Variants in BAZ2B observed in about 807,000 individuals in gnomAD.
BAZ2B encodes the protein bromodomain adjacent to zinc finger domain 2B.
A neutral mutation model predicts 246.0 loss-of-function variants in BAZ2B; 91 were observed. The ratio of observed to expected loss-of-function variants is 0.37; its 90% CI spans 0.31 to 0.44. BAZ2B has a LOEUF of 0.44. Ranked by LOEUF, BAZ2B falls within the 20% of genes least tolerant of loss-of-function variation. BAZ2B has a pLI of 1.00. For missense variants in BAZ2B, 2,332 were observed against 2,533.7 expected, an observed-to-expected ratio of 0.92 and a Z score of 1.71; for synonymous variants, 855 against 860.0, an observed-to-expected ratio of 0.99 and a Z score of 0.10.
chr2:159,605,708 C>A lies in BAZ2B; in HGVS notation c.-46+10534G>T, dbSNP rs188907857. Among the ~76,000 whole-genome samples the A allele has an allele frequency of 4.9e-4, 74 of 152,236 alleles. 1 individual carries two copies. The East Asian group carries it at 0.014, about 29-fold the overall frequency. ...GTTCAGTCCAGTCTGGGCAACAGAG[C>A]AAGACCCTGTCTCTAAAAAATTAAT... is the stretch of plus-strand genomic sequence containing the variant. On this transcript the variant is annotated intron_variant, in intron 1 of 36. Coordinates refer to ENST00000392783, the MANE Select transcript of BAZ2B (RefSeq NM_013450.4).
intron 13 of BAZ2B, among the ~76,000 whole-genome samples, chr2:159,422,447 T>C (rs1455857945): frequency 2.0e-5 from 3 of 152,118 alleles, no homozygotes; most frequent in South Asian, 4.1e-4. Flanking sequence ...TGCACATCCA[T>C]GACCACCTGA....
intron 1 of BAZ2B, among the ~76,000 whole-genome samples, chr2:159,595,440 G>A (rs770021682): frequency 9.2e-5 from 14 of 152,146 alleles, no homozygotes; most frequent in Non-Finnish European, 1.8e-4. Context: ...TTTAGGTCAT[G>A]TTAGTGGAAA....
intron 2 of BAZ2B, among the ~76,000 whole-genome samples, chr2:159,501,207 A>T (rs1321584856): frequency 1.8e-5 from 2 of 111,848 alleles, no homozygotes; most frequent in Non-Finnish European, 3.5e-5. Context: ...ATATATTTTT[A>T]TATATATTAT....
At chr2:159,438,716 G>GT (rs1464978264) in intron 7 of BAZ2B, 21 bp from the exon 8 acceptor site, 1 of 1,552,750 alleles carries the variant, frequency 6.4e-7, no homozygotes, top group Non-Finnish European at 8.6e-7. Context: ...AAATGAAAAG[G>GT]TAAGTTCCTA....
chr2:159,400,977 G>A (rs2064955296), intron 16 of BAZ2B, among the ~76,000 whole-genome samples: 1 of 152,080 alleles, frequency 6.6e-6, no homozygotes, highest in African/African-American at 2.4e-5. Flanking sequence ...CCAGGAGGTG[G>A]AGCTTGCAGT....
intron 3 of BAZ2B, chr2:159,458,989 TG>T (rs1302677776): frequency 1.3e-5 from 2 of 152,218 alleles, no homozygotes; most frequent in Non-Finnish European, 1.5e-5. Context: ...GCTGTATTTT[TG>T]GTCACATTAT....
intron 2 of BAZ2B, among the ~76,000 whole-genome samples, chr2:159,542,894 GAGA>G (rs1188147826): frequency 3.9e-5 from 6 of 152,114 alleles, no homozygotes; most frequent in Admixed American, 6.6e-5. Flanking sequence ...ATAGTAAAAA[GAGA>G]AGAAGTGCAG....
chr2:159,597,551 G>A (rs919173100), intron 1 of BAZ2B, among the ~76,000 whole-genome samples: 5 of 151,966 alleles, frequency 3.3e-5, no homozygotes, highest in African/African-American at 1.2e-4. Context: ...TTTTTTGGTG[G>A]AGTCTTGCTC....
At chr2:159,454,039 C>T (rs1000684575) in intron 3 of BAZ2B, among the ~76,000 whole-genome samples, 1 of 151,860 alleles carries the variant, frequency 6.6e-6, no homozygotes, top group African/African-American at 2.4e-5. Context: ...GATTTGAGAA[C>T]CAATGTTTTA....
chr2:159,656,837 TTGTC>T, the BAZ2B span, among the ~76,000 whole-genome samples: 1 of 152,160 alleles, frequency 6.6e-6, no homozygotes, highest in Non-Finnish European at 1.5e-5. Flanking sequence ...TTTAATCAGG[TTGTC>T]TGTTTTCTTA....
chr2:159,539,958 T>C (rs533787344), intron 2 of BAZ2B, among the ~76,000 whole-genome samples: 1 of 152,160 alleles, frequency 6.6e-6, no homozygotes, highest in South Asian at 2.1e-4. Context: ...CCCTGACTGT[T>C]ATATGTATGT....
chr2:159,317,834 A>C (rs1575541491), downstream of BAZ2B, among the ~76,000 whole-genome samples: 1 of 152,178 alleles, frequency 6.6e-6, no homozygotes, highest in Non-Finnish European at 1.5e-5. Context: ...CTGGGAGTGC[A>C]TGAATCACTT....
At chr2:159,663,191 T>C in the BAZ2B span, among the ~76,000 whole-genome samples, 1 of 148,490 alleles carries the variant, frequency 6.7e-6, no homozygotes, top group Admixed American at 6.7e-5. Context: ...TTTGTTGTTG[T>C]TTTTTTTTTC....
At chr2:159,544,547 G>T (rs914341643) in intron 2 of BAZ2B, among the ~76,000 whole-genome samples, 2 of 152,184 alleles carry the variant, frequency 1.3e-5, no homozygotes, top group African/African-American at 4.8e-5. Context: ...GTTTGAACAG[G>T]TTGAATTACA....
chr2:159,536,210 TATTG>T (rs762295580), intron 2 of BAZ2B: 3 of 152,196 alleles, frequency 2.0e-5, no homozygotes, highest in Non-Finnish European at 2.9e-5. Context: ...ATCAAATATT[TATTG>T]ATTGATTGAT....
the BAZ2B span, among the ~76,000 whole-genome samples, chr2:159,692,179 G>T: frequency 6.6e-6 from 1 of 151,470 alleles, no homozygotes; most frequent in Admixed American, 6.6e-5. Flanking sequence ...TTTTGAGATG[G>T]AGTCTCACTC....
In BAZ2B at chr2:159,438,327, C is replaced by A; in HGVS notation, c.1269G>T (p.Leu423Phe). ...CCCGTTTGGATCTCAATTCACTGGT[C>A]AATAAACTAGATTCTTCAGAGGTAT... ...NKNTSEESSL[L>F]TSELRSKREQ... The change falls in exon 8 of 37, where the codon TTG becomes TTT. Residue 423 changes from leucine (L) to phenylalanine (F), a missense_variant. Physicochemically the swap from Leu to Phe is conservative, Grantham distance 22. Around this residue, in one of 9 missense-constraint regions of BAZ2B, gnomAD observed 651 missense variants for 650.9 expected, o/e 1.00. Transcript: ENST00000392783. The A allele has an allele frequency of 6.2e-7, 1 of 1,613,626 alleles. No individual in the cohort carries two copies. Among genetic ancestry groups the A allele is most frequent in the South Asian group, 1.1e-5 (1 of 90,928 alleles).
intron 2 of BAZ2B, among the ~76,000 whole-genome samples, chr2:159,552,575 G>A (rs1408935854): frequency 2.0e-5 from 3 of 152,258 alleles, no homozygotes; most frequent in Middle Eastern, 3.4e-3. Context: ...CACATCGCTA[G>A]TACACAGTGA....
At chr2:159,503,741 G>A (rs568874951) in intron 2 of BAZ2B, among the ~76,000 whole-genome samples, 36 of 151,898 alleles carry the variant, frequency 2.4e-4, no homozygotes, top group Middle Eastern at 3.4e-3. Flanking sequence ...CACCACGCCC[G>A]GCTAATTTTT....
Sources: allele counts gnomAD v4.1 joint callset (sites outside exome capture counted in the v4.1 genomes callset), GRCh38; gene constraint gnomAD v4.1.1; regional missense constraint gnomAD v4.1.1; transcripts MANE v1.5; gene names NCBI Gene and HGNC (gene_info 2026-07-23, HGNC 2026-07-21).